UBE4B: variants seen among roughly 807,000 people sequenced by gnomAD.
UBE4B encodes the protein ubiquitination factor E4B.
In UBE4B, 27 loss-of-function variants were observed where a neutral mutation model predicts 148.1. That is an observed-to-expected ratio of 0.18 (90% CI 0.13 to 0.25). The LOEUF (loss-of-function observed/expected upper bound fraction) is 0.25. UBE4B is among the 10% of genes least tolerant of loss of function. The pLI is 1.00. For synonymous variants in UBE4B, 596 were observed against 619.3 expected (o/e 0.96, Z 0.56); for missense variants, 1,170 against 1,662.4 (o/e 0.70, Z 5.15).
chr1:10,179,694 A>G, intron 27 of UBE4B, 132 bp downstream of exon 27: 3 of 1,460,744 alleles, frequency 2.1e-6, no homozygotes, highest in South Asian at 2.6e-5. Context: ...GACACTCTGT[A>G]GCAAAGACCC....
chr1:10,137,441 T>G (rs571112039), intron 17 of UBE4B, among the ~76,000 whole-genome samples: 1 of 152,180 alleles, frequency 6.6e-6, no homozygotes, highest in Non-Finnish European at 1.5e-5. Flanking sequence ...TTCACTCTGT[T>G]TATGGTTACT....
At chr1:10,170,198 G>T (rs545134468) in intron 24 of UBE4B, among the ~76,000 whole-genome samples, 1 of 152,078 alleles carries the variant, frequency 6.6e-6, no homozygotes, top group African/African-American at 2.4e-5. Context: ...AAACCTTTAA[G>T]GTTTGCATTT....
chr1:10,061,430 A>G (rs1294897124), intron 1 of UBE4B, among the ~76,000 whole-genome samples: 1 of 151,796 alleles, frequency 6.6e-6, no homozygotes, highest in Non-Finnish European at 1.5e-5. Flanking sequence ...AATCTTTTAT[A>G]TTTTTTATTA....
At chr1:10,072,732 G>T (rs1371277228) in intron 2 of UBE4B, 3 of 435,438 alleles carry the variant, frequency 6.9e-6, no homozygotes. Context: ...ATGAGCTGAT[G>T]CTTGATATCC....
intron 1 of UBE4B, among the ~76,000 whole-genome samples, chr1:10,065,908 G>A (rs1320612846): frequency 2.0e-5 from 3 of 151,994 alleles, no homozygotes; most frequent in Non-Finnish European, 4.4e-5. Flanking sequence ...GTACCCTTTT[G>A]CAACCGGCTT....
At chr1:10,156,232 T>A (rs1442128726) in intron 21 of UBE4B, among the ~76,000 whole-genome samples, 1 of 141,162 alleles carries the variant, frequency 7.1e-6, no homozygotes, top group Non-Finnish European at 1.5e-5. Flanking sequence ...TTGTTTCATT[T>A]TCTTTTCTTT....
rs535538038 is a variant in UBE4B, at chr1:10,161,364, G to A, written c.3198+78G>A. 7.2e-4 allele frequency: 1,101 copies of A among 1,520,644 alleles called. 1 individual carries two copies. The highest frequency in any genetic ancestry group is 9.2e-4 in the Non-Finnish European group (1,034 of 1,122,866). The allele number at this position is 1,520,644 out of a possible 1,614,324, so 94.2% of individuals were successfully genotyped here. A position where few individuals can be genotyped will look rare whatever the true frequency, so the allele number is the denominator to read the frequency against. Reference sequence around the variant, plus strand: ...ACACGGGCAGAGCTGCTTTGGGGCTGCATTTGTGGGTCTGATGATATGCGA... The same window carrying A: ...ACACGGGCAGAGCTGCTTTGGGGCTACATTTGTGGGTCTGATGATATGCGA... On this transcript the variant is annotated intron_variant, in intron 23 of 27. Coordinates refer to ENST00000343090, the MANE Select transcript of UBE4B (RefSeq NM_001105562.3). This position sits in a 1 kb window ranked among gnomAD's most constrained non-coding sequence, Gnocchi z 4.1.
intron 2 of UBE4B, among the ~76,000 whole-genome samples, chr1:10,075,406 A>G (rs1644560596): frequency 1.3e-5 from 2 of 152,212 alleles, no homozygotes; most frequent in South Asian, 2.1e-4. Context: ...GATTTCTGGA[A>G]CAGCCTCCTA....
At chr1:10,111,146 CAG>C (rs1325129703) in intron 7 of UBE4B, among the ~76,000 whole-genome samples, 1 of 151,252 alleles carries the variant, frequency 6.6e-6, no homozygotes, top group East Asian at 1.9e-4. Flanking sequence ...CCTTCTCACA[CAG>C]AGTAAAATCC....
chr1:10,118,017 G>C (rs144341693), intron 8 of UBE4B, among the ~76,000 whole-genome samples: 8 of 152,248 alleles, frequency 5.3e-5, no homozygotes, highest in African/African-American at 1.9e-4. Flanking sequence ...AGTGGAACCC[G>C]GTATAACATA....
At chr1:10,140,312 T>C (rs1645764318) in intron 17 of UBE4B, among the ~76,000 whole-genome samples, 1 of 152,222 alleles carries the variant, frequency 6.6e-6, no homozygotes, top group Non-Finnish European at 1.5e-5. Flanking sequence ...AATTCCATCA[T>C]GGTAAGAAAA....
At chr1:10,074,164 C>T (rs1644539865) in intron 2 of UBE4B, among the ~76,000 whole-genome samples, 1 of 152,008 alleles carries the variant, frequency 6.6e-6, no homozygotes, top group Non-Finnish European at 1.5e-5. Flanking sequence ...GAACCTCCAT[C>T]AGCCTCAGTC....
chr1:10,173,295 G>T (rs563770856), intron 25 of UBE4B, among the ~76,000 whole-genome samples: 1 of 151,874 alleles, frequency 6.6e-6, no homozygotes, highest in Non-Finnish European at 1.5e-5. Context: ...TGGCTAACAC[G>T]GTGAAACCCC....
chr1:10,103,684 G>T (rs1468484108), intron 5 of UBE4B, among the ~76,000 whole-genome samples: 1 of 147,554 alleles, frequency 6.8e-6, no homozygotes, highest in African/African-American at 2.5e-5. Flanking sequence ...AGGCTGGAGT[G>T]CAGTGGCGCA....
intron 1 of UBE4B, among the ~76,000 whole-genome samples, chr1:10,051,713 G>C (rs370459881): frequency 1.3e-5 from 2 of 152,252 alleles, no homozygotes; most frequent in South Asian, 4.1e-4. Context: ...AAGGGGACTC[G>C]AGGAGTCCCA....
chr1:10,097,115 A>G (rs1003342515), intron 3 of UBE4B, among the ~76,000 whole-genome samples: 3 of 151,982 alleles, frequency 2.0e-5, no homozygotes, highest in African/African-American at 7.2e-5. Context: ...TTACATTGAG[A>G]ACTTGCTGTA....
At chr1:10,135,332 G>A (rs1028567341) in intron 16 of UBE4B, 146 bp downstream of exon 16, 21 of 884,126 alleles carry the variant, frequency 2.4e-5, no homozygotes, top group African/African-American at 5.0e-5. Flanking sequence ...TAGGCCTGGC[G>A]TGGTGACTCA....
intron 10 of UBE4B, among the ~76,000 whole-genome samples, chr1:10,124,050 C>T (rs953748026): frequency 2.0e-5 from 3 of 152,178 alleles, no homozygotes; most frequent in Non-Finnish European, 2.9e-5. Context: ...GCTGGGATTA[C>T]AGGCATGAGC....
At chr1:10,108,670 T>C (rs1645163386) in intron 7 of UBE4B, among the ~76,000 whole-genome samples, 1 of 152,210 alleles carries the variant, frequency 6.6e-6, no homozygotes, top group African/African-American at 2.4e-5. Context: ...AGAAGAATCA[T>C]TAGAGAATAC....
Sources: gnomAD v4.1 joint callset for allele counts (sites outside exome capture counted in the v4.1 genomes callset) on GRCh38, gnomAD v4.1.1 for gene constraint, Gnocchi (gnomAD v3.1) non-coding constraint, MANE v1.5 for transcripts, NCBI Gene and HGNC (gene_info 2026-07-23, HGNC 2026-07-21) for gene names.